The following DSG1 variants were observed in gnomAD, a reference collection of about 807,000 sequenced individuals.
DSG1 encodes desmoglein 1, also known as desmoglein-1.
In DSG1, 39 loss-of-function variants were observed where a neutral mutation model predicts 97.5. The observed-to-expected ratio is 0.40, with a 90% CI of 0.31 to 0.52. The LOEUF (loss-of-function observed/expected upper bound fraction) is 0.52. Among genes scored for constraint, DSG1 ranks in the 20% least tolerant of loss-of-function variants. DSG1 has a pLI of 0.53. For missense variants in DSG1, 1,311 were observed against 1,295.4 expected, an observed-to-expected ratio of 1.01 and a Z score of -0.18; for synonymous variants, 475 against 443.4, an observed-to-expected ratio of 1.07 and a Z score of -0.90.
At chr18:31,326,837 A>G in intron 2 of DSG1, 37 bp from the exon 3 acceptor site, 1 of 1,605,284 alleles carries the variant, frequency 6.2e-7, no homozygotes. Flanking sequence ...ACGAATTCAA[A>G]TTAATATATA....
rs2071976539 is a variant in DSG1, at chr18:31,358,408, T to A, written c.*3062T>A. 6.6e-6 allele frequency among the ~76,000 whole-genome samples: 1 copy of A among 152,086 alleles called. No homozygotes were observed. The highest frequency in any genetic ancestry group is 2.4e-5 in the African/African-American group (1 of 41,448). ...GAAAAAGTACATATTTAGGGTTATT[T>A]ATATATCTTCATCTAGACATCTGTT... On this transcript the variant is annotated 3_prime_UTR_variant, in exon 15 of 15. Coordinates refer to ENST00000257192, the MANE Select transcript of DSG1 (RefSeq NM_001942.4).
chr18:31,333,655 G>A lies in DSG1; in HGVS notation c.751G>A (p.Ala251Thr). The change falls in exon 7 of 15, where the codon GCG (alanine) becomes ACG (threonine). Residue 251 changes from alanine to threonine, a missense_variant. Ala to Thr is a moderately conservative substitution (Grantham distance 58). Coordinates refer to ENST00000257192, the MANE Select transcript of DSG1 (RefSeq NM_001942.4). ...AGATGGCGGGGCAGATGGCATGTCA[G>A]CGGAATGTGAGTGCAACATTAAAAT... ...DRDGGADGMS[A>T]ECECNIKILD... is the part of the protein sequence containing the mutation. 6.2e-7 allele frequency: 1 copy of A among 1,613,872 alleles called. No individual in the cohort carries two copies.
At chr18:31,329,244 G>A (rs2071705706) in intron 4 of DSG1, among the ~76,000 whole-genome samples, 1 of 151,752 alleles carries the variant, frequency 6.6e-6, no homozygotes, top group South Asian at 2.1e-4. Context: ...CTATCGTCAT[G>A]GCCAACACTT....
intron 14 of DSG1, among the ~76,000 whole-genome samples, chr18:31,353,546 A>G (rs1245297914): frequency 6.6e-6 from 1 of 152,194 alleles, no homozygotes; most frequent in Non-Finnish European, 1.5e-5. Flanking sequence ...AGCCTGGGCA[A>G]TGGCGGGCGC....
At chr18:31,333,549 C>T (rs2071733205) in intron 6 of DSG1, 40 bp from the exon 7 acceptor site, 1 of 1,613,200 alleles carries the variant, frequency 6.2e-7, no homozygotes, top group Non-Finnish European at 8.5e-7. Context: ...TAAAGGCTGT[C>T]TACGTCAAGT....
chr18:31,326,365 A>C (rs1474164030), intron 1 of DSG1, among the ~76,000 whole-genome samples: 1 of 152,120 alleles, frequency 6.6e-6, no homozygotes, highest in African/African-American at 2.4e-5. Context: ...AATAATAGTA[A>C]TAAAAAGAAG....
chr18:31,336,796 A>T (rs1042767655), intron 9 of DSG1, among the ~76,000 whole-genome samples, 183 bp downstream of exon 9: 9 of 152,328 alleles, frequency 5.9e-5, no homozygotes, highest in East Asian at 1.9e-4. Context: ...ATAAAAATTC[A>T]TGCAAGATGT....
rs1477950944 is a variant in DSG1 at position 31,321,436 on chromosome 18, G to A, written c.48+3088G>A. On this transcript the variant is annotated intron_variant, in intron 1 of 14. Coordinates refer to ENST00000257192, the MANE Select transcript of DSG1 (RefSeq NM_001942.4). ...ATGTAGTATAGAGATCAGTGTTTCA[G>A]TAAAATATTTTGTAGAAAATGGAAG... Among the ~76,000 whole-genome samples, 17 of 152,126 alleles carry A rather than the reference G, an allele frequency of 1.1e-4. No homozygotes were observed. In the East Asian group the frequency reaches 3.3e-3, roughly 29 times the overall value.
In DSG1 at chr18:31,355,965, G is replaced by A. The variant is rs1423785472; in HGVS notation, c.*619G>A. ...AAATTCCATTAGAGAGTGGCAATAG[G>A]ATGAGGTTTCTTCAGGGTAAACTAG... On this transcript the variant is annotated 3_prime_UTR_variant, in exon 15 of 15. Transcript: ENST00000257192. 1 of 153,790 alleles carries A rather than the reference G, an allele frequency of 6.5e-6. No homozygotes were observed. Among genetic ancestry groups the A allele is most frequent in the African/African-American group, 2.4e-5 (1 of 41,450 alleles). The allele number at this position is 153,790 out of a possible 1,614,324, so 9.5% of individuals were successfully genotyped here.
At chr18:31,338,056 C>CT (rs1362661823) in intron 9 of DSG1, among the ~76,000 whole-genome samples, 4 of 152,224 alleles carry the variant, frequency 2.6e-5, no homozygotes, top group African/African-American at 9.6e-5. Flanking sequence ...AAGGATTATT[C>CT]TGACATCCAA....
At chr18:31,324,189 G>A (rs975919247) in intron 1 of DSG1, among the ~76,000 whole-genome samples, 6 of 151,208 alleles carry the variant, frequency 4.0e-5, no homozygotes, top group Non-Finnish European at 5.9e-5. Flanking sequence ...TCACCATGTT[G>A]GCCAGGATGT....
In DSG1 at chr18:31,331,827, C is replaced by A. The variant is rs1367551819; in HGVS notation, c.644C>A (p.Thr215Asn). ...CCAATGTTTATTATCAACAGAAATA[C>A]TGGAGAAATTCGAACGATGAATAAT... ...DSPMFIINRNTGEIRTMNNFL... is the reference protein window; with the variant it reads ...DSPMFIINRNNGEIRTMNNFL... Residue 215 changes from threonine to asparagine, a missense_variant, in exon 6 of 15, where the codon ACT becomes AAT. This residue lies in a region of DSG1 where 259 missense variants were observed against 304.1 expected (regional missense o/e 0.85). Transcript: ENST00000257192. 1 of 1,612,650 alleles carries A rather than the reference C, an allele frequency of 6.2e-7. No individual in the cohort carries two copies. The highest frequency in any genetic ancestry group is 8.5e-7 in the Non-Finnish European group (1 of 1,179,010).
rs148956893 is a variant in DSG1, at chr18:31,338,434, G to A, written c.1385G>A (p.Gly462Glu). 2.5e-6 allele frequency: 4 copies of A among 1,613,272 alleles called. No homozygotes were observed. The highest frequency in any genetic ancestry group is 3.4e-6 in the Non-Finnish European group (4 of 1,179,562). ...QYNMLGGKYQGTILSIDDNLQ... is the reference protein window; with the variant it reads ...QYNMLGGKYQETILSIDDNLQ... Reference sequence around the variant, plus strand: ...AATATGCTCGGAGGAAAATACCAAGGAACGATTCTCTCTATAGATGGTAAG... The same window carrying A: ...AATATGCTCGGAGGAAAATACCAAGAAACGATTCTCTCTATAGATGGTAAG... The change falls in exon 10 of 15, where the codon GGA (glycine) becomes GAA (glutamate). Residue 462 changes from glycine (G) to glutamate (E), a missense_variant. By Grantham distance (98) the Gly-to-Glu change is moderately conservative (BLOSUM62 -2). Coordinates refer to ENST00000257192, the MANE Select transcript of DSG1 (RefSeq NM_001942.4).
intron 14 of DSG1, chr18:31,353,997 G>T: frequency 2.9e-6 from 1 of 340,812 alleles, no homozygotes; most frequent in Non-Finnish European, 5.5e-6. Flanking sequence ...GCTCCTCCTC[G>T]AAACCAATTC....
intron 8 of DSG1, 144 bp from the exon 9 acceptor site, chr18:31,336,210 T>A (rs970849861): frequency 9.6e-5 from 66 of 686,900 alleles, no homozygotes; most frequent in Non-Finnish European, 1.5e-4. Context: ...AGATTAAAAA[T>A]TTAAGAATGG....
At chr18:31,349,461 G>T (rs984214213) in intron 14 of DSG1, among the ~76,000 whole-genome samples, 2 of 150,878 alleles carry the variant, frequency 1.3e-5, no homozygotes, top group African/African-American at 2.5e-5. Context: ...TCCTTTTTTG[G>T]TTCCATATGA....
intron 1 of DSG1, among the ~76,000 whole-genome samples, chr18:31,320,563 A>G (rs2071647168): frequency 6.6e-6 from 1 of 152,228 alleles, no homozygotes; most frequent in Non-Finnish European, 1.5e-5. Flanking sequence ...TCTTACAGCA[A>G]TCAAGATCGC....
intron 14 of DSG1, among the ~76,000 whole-genome samples, chr18:31,348,201 G>A (rs1160215018): frequency 2.2e-5 from 3 of 138,076 alleles, no homozygotes; most frequent in Admixed American, 1.7e-4. Flanking sequence ...TCCCACCTAT[G>A]AGTGAGAATA....
intron 14 of DSG1, among the ~76,000 whole-genome samples, chr18:31,347,354 TC>T (rs1310616768): frequency 1.1e-4 from 16 of 152,154 alleles, no homozygotes; most frequent in Admixed American, 9.2e-4. Flanking sequence ...GATTACCCTA[TC>T]TAAAAGAACA....
Sources: gnomAD v4.1 joint callset for allele counts (sites outside exome capture counted in the v4.1 genomes callset) on GRCh38, gnomAD v4.1.1 for gene constraint, gnomAD v4.1.1 regional missense constraint, MANE v1.5 for transcripts, NCBI Gene and HGNC (gene_info 2026-07-23, HGNC 2026-07-21) for gene names.